Variants in RMST observed in about 807,000 individuals in gnomAD.
RMST encodes the protein long intergenic non-protein coding RNA 54.
chr12:97,544,840 T>C (rs1210396664), intron 11 of RMST, among the ~76,000 whole-genome samples: 1 of 152,076 alleles, frequency 6.6e-6, no homozygotes, highest in African/African-American at 2.4e-5. Flanking sequence ...ATTCCTGCTA[T>C]ATAATATGTA....
At chr12:97,490,890 A>G (rs1303926198) in intron 5 of RMST, among the ~76,000 whole-genome samples, 1 of 152,244 alleles carries the variant, frequency 6.6e-6, no homozygotes, top group Non-Finnish European at 1.5e-5. Context: ...AAACTGCAAC[A>G]GAGTGACTGA....
In RMST at chr12:97,480,049, C is replaced by T. The variant is rs1490701228; in HGVS notation, n.645-12412C>T. 5.9e-5 allele frequency among the ~76,000 whole-genome samples: 9 copies of T among 151,940 alleles called. No homozygotes were observed. In the East Asian group the frequency reaches 1.2e-3, roughly 20 times the overall value. ...TTGTTTTCCATATCAAACCCAGTAC[C>T]AGGAACTGCTAATTTTTCTTTTCTT... On this transcript the variant is annotated intron_variant and non_coding_transcript_variant, in intron 5 of 13. Transcript: ENST00000640149.
At chr12:97,542,892 G>A (rs1882656338) in intron 11 of RMST, among the ~76,000 whole-genome samples, 1 of 151,928 alleles carries the variant, frequency 6.6e-6, no homozygotes, top group African/African-American at 2.4e-5. Context: ...TTTATGCTTA[G>A]TCTCAGCTAC....
chr12:97,559,324 T>G (rs917124003), intron 11 of RMST, among the ~76,000 whole-genome samples: 1 of 152,222 alleles, frequency 6.6e-6, no homozygotes, highest in African/African-American at 2.4e-5. Flanking sequence ...TGCTTTCTAT[T>G]ATTGCCAAAG....
At chr12:97,472,846 T>C (rs1874089302) in intron 5 of RMST, among the ~76,000 whole-genome samples, 2 of 152,146 alleles carry the variant, frequency 1.3e-5, no homozygotes, top group African/African-American at 4.8e-5. Context: ...ATTATTATTA[T>C]AACTTCGGAA....
chr12:97,522,445 G>A (rs1242175535), intron 10 of RMST, among the ~76,000 whole-genome samples: 1 of 152,148 alleles, frequency 6.6e-6, no homozygotes, highest in African/African-American at 2.4e-5. Flanking sequence ...ATAGTTTCTA[G>A]CTATGAACTG....
chr12:97,541,458 A>C (rs1475270956), intron 11 of RMST: 1 of 151,934 alleles, frequency 6.6e-6, no homozygotes, highest in Non-Finnish European at 1.5e-5. Context: ...ATATTAAGAA[A>C]TCCAGGTTTC....
intron 11 of RMST, among the ~76,000 whole-genome samples, chr12:97,555,939 TC>T (rs1883680022): frequency 1.3e-5 from 2 of 152,214 alleles, no homozygotes; most frequent in South Asian, 4.1e-4. Context: ...TGCATCTTCG[TC>T]CCAGCATCCA....
Position 97,486,004 on chromosome 12 carries a change from G to A in RMST, n.645-6457G>A, listed in dbSNP as rs557946591. On this transcript the variant is annotated intron_variant and non_coding_transcript_variant, in intron 5 of 13. Transcript: ENST00000640149. ...ATAATACATTGCATTCCATCAACTT[G>A]GAGATAGGTACGCAGAATGCATCCT... Among the ~76,000 whole-genome samples the A allele has an allele frequency of 2.6e-5, 4 of 152,338 alleles. No individual in the cohort carries two copies. The South Asian group carries it at 8.3e-4, about 32-fold the overall frequency.
intron 11 of RMST, among the ~76,000 whole-genome samples, chr12:97,551,160 T>TAAATAAAA: frequency 6.8e-6 from 1 of 147,508 alleles, no homozygotes. Context: ...GCATTCATGG[T>TAAATAAAA]TCATTGTTTT....
intron 5 of RMST, among the ~76,000 whole-genome samples, chr12:97,475,534 A>G (rs1206653080): frequency 1.3e-5 from 2 of 152,036 alleles, no homozygotes; most frequent in Non-Finnish European, 2.9e-5. Flanking sequence ...CTTCCTCTGT[A>G]AAATAAGGAT....
chr12:97,559,231 C>T (rs1024473091), intron 11 of RMST, among the ~76,000 whole-genome samples: 14 of 151,976 alleles, frequency 9.2e-5, no homozygotes, highest in South Asian at 6.2e-4. Context: ...CTACTGTTAT[C>T]GGAAATAAAC....
intron 5 of RMST, among the ~76,000 whole-genome samples, chr12:97,466,363 T>G (rs1873185968): frequency 6.6e-6 from 1 of 152,184 alleles, no homozygotes; most frequent in Non-Finnish European, 1.5e-5. Context: ...GCTCCTTTAC[T>G]TGGGTTTCTT....
chr12:97,534,387 CAG>C (rs1260878379), intron 11 of RMST, among the ~76,000 whole-genome samples: 2 of 151,676 alleles, frequency 1.3e-5, no homozygotes, highest in African/African-American at 4.8e-5. Context: ...TACCTCTTAA[CAG>C]AACTAAATGA....
chr12:97,517,761 A>T (rs898611445), intron 10 of RMST, among the ~76,000 whole-genome samples: 1 of 152,012 alleles, frequency 6.6e-6, no homozygotes, highest in Non-Finnish European at 1.5e-5. Flanking sequence ...ACATCTGTGT[A>T]TGTGTCTCTG....
chr12:97,527,371 C>T (rs1314276097), intron 10 of RMST, among the ~76,000 whole-genome samples: 4 of 152,150 alleles, frequency 2.6e-5, no homozygotes, highest in Middle Eastern at 3.2e-3. Context: ...CCTTCAACAA[C>T]CCATTGTCAT....
intron 13 of RMST, chr12:97,563,387 G>A (rs1192154806): frequency 4.7e-6 from 1 of 213,566 alleles, no homozygotes; most frequent in Admixed American, 5.7e-5. Context: ...AAAATGAAAA[G>A]TCTAAAAGCC....
intron 11 of RMST, among the ~76,000 whole-genome samples, chr12:97,544,498 T>G (rs1239326630): frequency 6.6e-6 from 1 of 151,920 alleles, no homozygotes; most frequent in Non-Finnish European, 1.5e-5. Context: ...GGACAGTACG[T>G]TCAATGTAAT....
chr12:97,544,344 T>G (rs972435255), intron 11 of RMST, among the ~76,000 whole-genome samples: 7 of 152,114 alleles, frequency 4.6e-5, no homozygotes, highest in African/African-American at 1.7e-4. Flanking sequence ...TTGGGTTTGG[T>G]TAGCCTGATA....
Sources: allele counts gnomAD v4.1 joint callset (sites outside exome capture counted in the v4.1 genomes callset), GRCh38; gene constraint gnomAD v4.1.1; transcripts MANE v1.5; gene names NCBI Gene and HGNC (gene_info 2026-07-23, HGNC 2026-07-21).